The following NCALD variants were observed in gnomAD, a reference collection of about 807,000 sequenced individuals.
NCALD encodes the protein neurocalcin-delta.
In NCALD, 10 loss-of-function variants were observed where a neutral mutation model predicts 18.6. That is an observed-to-expected ratio of 0.54 (90% confidence interval 0.33 to 0.91). NCALD has a LOEUF of 0.91. NCALD is among the 40% of genes least tolerant of loss of function. The pLI, the probability that NCALD is intolerant of heterozygous loss-of-function variation, is 0.03. For missense variants in NCALD, 184 were observed against 247.6 expected, an observed-to-expected ratio of 0.74 and a Z score of 1.72; for synonymous variants, 88 against 87.4, an observed-to-expected ratio of 1.01 and a Z score of -0.04.
intron 1 of NCALD, chr8:101,780,128 T>C (rs1231618140): frequency 2.6e-5 from 4 of 152,166 alleles, no homozygotes; most frequent in African/African-American, 9.7e-5. Flanking sequence ...TAAACATATA[T>C]TGATTCTATA....
intron 1 of NCALD, among the ~76,000 whole-genome samples, chr8:102,076,127 T>A (rs1331919880): frequency 1.3e-5 from 2 of 152,024 alleles, no homozygotes; most frequent in Non-Finnish European, 2.9e-5. Flanking sequence ...AAAATACATA[T>A]AAATAGTATA....
intron 4 of NCALD, chr8:101,871,903 A>G: frequency 1.5e-6 from 1 of 688,312 alleles, no homozygotes; most frequent in Admixed American, 1.9e-5. Flanking sequence ...TACACCTTCA[A>G]TCGGCTTCTT....
chr8:101,904,232 G>A (rs1817534734), intron 3 of NCALD, among the ~76,000 whole-genome samples: 1 of 152,092 alleles, frequency 6.6e-6, no homozygotes. Context: ...GCACCTTTGA[G>A]TTCTTCATCA....
intron 3 of NCALD, among the ~76,000 whole-genome samples, chr8:101,898,166 A>G (rs545905481): frequency 6.6e-6 from 1 of 152,312 alleles, no homozygotes; most frequent in South Asian, 2.1e-4. Context: ...AGTCTCAGGT[A>G]TGTCTTTATT....
At chr8:101,986,948 C>CAGCA (rs1820835653) in intron 2 of NCALD, among the ~76,000 whole-genome samples, 1 of 152,182 alleles carries the variant, frequency 6.6e-6, no homozygotes, top group Non-Finnish European at 1.5e-5. Context: ...TGCTGATGCC[C>CAGCA]TGCTAGATAT....
At chr8:101,692,254 C>T in intron 3 of NCALD, 1 of 985,408 alleles carries the variant, frequency 1.0e-6, no homozygotes, top group Non-Finnish European at 1.2e-6. Context: ...ACCTGCTGGG[C>T]ACCTTACTCC....
chr8:101,763,485 G>A (rs990732022), intron 1 of NCALD, among the ~76,000 whole-genome samples: 8 of 152,152 alleles, frequency 5.3e-5, no homozygotes, highest in Non-Finnish European at 8.8e-5. Flanking sequence ...CCAAAAGATC[G>A]ACAGTCTAAT....
At chr8:101,954,369 C>G (rs1819543785) in intron 2 of NCALD, among the ~76,000 whole-genome samples, 2 of 152,186 alleles carry the variant, frequency 1.3e-5, no homozygotes, top group African/African-American at 4.8e-5. Flanking sequence ...ATTCCCAGCC[C>G]TGAGCCCGAG....
chr8:101,790,920 A>G lies in NCALD; in HGVS notation c.-78T>C, dbSNP rs1384674980. 1 of 152,436 alleles carries G rather than the reference A, an allele frequency of 6.6e-6. No homozygotes were observed. Among genetic ancestry groups the G allele is most frequent in the Non-Finnish European group, 1.5e-5 (1 of 68,206 alleles). 9.4% of individuals were successfully genotyped at this position (152,436 alleles called of 1,614,324 possible). A position where few individuals can be genotyped will look rare whatever the true frequency, so the allele number is the denominator to read the frequency against. ...ATGCTCTGCAGCCCCTGGAAACAGCAGTAGCAGCAGCAGCAAGGTCCAGCA... is the reference window on the plus strand; with the variant it reads ...ATGCTCTGCAGCCCCTGGAAACAGCGGTAGCAGCAGCAGCAAGGTCCAGCA... On this transcript the variant is annotated 5_prime_UTR_variant, in exon 1 of 4. Transcript: ENST00000220931.
chr8:101,940,704 G>A (rs1818923926), intron 2 of NCALD, among the ~76,000 whole-genome samples: 1 of 152,130 alleles, frequency 6.6e-6, no homozygotes, highest in South Asian at 2.1e-4. Context: ...TCTAGGTTTG[G>A]ACAAAAGACA....
At chr8:101,844,161 A>C (rs1814768268) in intron 4 of NCALD, among the ~76,000 whole-genome samples, 1 of 152,142 alleles carries the variant, frequency 6.6e-6, no homozygotes, top group Admixed American at 6.5e-5. Context: ...GCACCTGTGG[A>C]AGTGCATATT....
At chr8:102,106,143 C>G (rs539575649) in intron 1 of NCALD, among the ~76,000 whole-genome samples, 7 of 151,700 alleles carry the variant, frequency 4.6e-5, no homozygotes, top group Non-Finnish European at 7.4e-5. Flanking sequence ...AATCTCGGCT[C>G]AGTGCAACTT....
At chr8:101,747,705 T>C (rs1359370928) in intron 1 of NCALD, among the ~76,000 whole-genome samples, 1 of 151,842 alleles carries the variant, frequency 6.6e-6, no homozygotes, top group Non-Finnish European at 1.5e-5. Context: ...TACACTGAGC[T>C]TGAGGAAAAG....
At chr8:101,952,612 A>C (rs1819473349) in intron 2 of NCALD, among the ~76,000 whole-genome samples, 1 of 152,196 alleles carries the variant, frequency 6.6e-6, no homozygotes, top group South Asian at 2.1e-4. Context: ...GCAGGCTCTT[A>C]ATGGGGCTTT....
intron 3 of NCALD, among the ~76,000 whole-genome samples, chr8:101,892,124 T>G (rs1004668594): frequency 6.6e-6 from 1 of 151,044 alleles, no homozygotes; most frequent in Non-Finnish European, 1.5e-5. Flanking sequence ...TCTGACAGCT[T>G]TGAAGAGAGC....
chr8:101,956,292 T>C (rs963583606), intron 2 of NCALD, among the ~76,000 whole-genome samples: 2 of 152,106 alleles, frequency 1.3e-5, no homozygotes, highest in East Asian at 3.9e-4. Context: ...ATGCCAAGCA[T>C]GGAAAGGTAA....
At chr8:101,713,272 C>T (rs546327375) in intron 2 of NCALD, among the ~76,000 whole-genome samples, 4 of 152,062 alleles carry the variant, frequency 2.6e-5, no homozygotes, top group Non-Finnish European at 4.4e-5. Context: ...GACACAGCTA[C>T]AGCAGTGTTT....
chr8:101,838,451 A>G (rs1053555995), intron 4 of NCALD, among the ~76,000 whole-genome samples: 1 of 152,100 alleles, frequency 6.6e-6, no homozygotes, highest in Non-Finnish European at 1.5e-5. Context: ...CTATCTCTCG[A>G]CCTCGTGATC....
chr8:101,764,627 G>A (rs563156758), intron 1 of NCALD, among the ~76,000 whole-genome samples: 1 of 152,282 alleles, frequency 6.6e-6, no homozygotes, highest in African/African-American at 2.4e-5. Flanking sequence ...CAGGGAAAAA[G>A]AGGTCAAGAG....
Sources: allele counts gnomAD v4.1 joint callset (sites outside exome capture counted in the v4.1 genomes callset), GRCh38; gene constraint gnomAD v4.1.1; transcripts MANE v1.5; gene names NCBI Gene and HGNC (gene_info 2026-07-23, HGNC 2026-07-21).